The following CNOT4 variants were observed in gnomAD, a reference collection of about 807,000 sequenced individuals.
CNOT4 encodes CCR4-NOT transcription complex subunit 4.
Under a neutral mutation model 73.8 loss-of-function variants are expected in CNOT4, and 8 were observed. The ratio of observed to expected loss-of-function variants is 0.11; its 90% CI spans 0.06 to 0.20. CNOT4 has a LOEUF of 0.20. Among genes scored for constraint, CNOT4 ranks in the 10% least tolerant of loss-of-function variants. The pLI is 1.00. For missense variants in CNOT4, 564 were observed against 883.4 expected, an observed-to-expected ratio of 0.64 and a Z score of 4.58; for synonymous variants, 293 against 321.1, an observed-to-expected ratio of 0.91 and a Z score of 0.94.
rs1413592855 is a variant in CNOT4, at chr7:135,395,683, T to C, written c.1080A>G (p.Thr360=). The change falls in exon 9 of 12, where the codon ACA becomes ACG. Residue 360 remains threonine, a synonymous_variant. Coordinates refer to ENST00000541284, the MANE Select transcript of CNOT4 (RefSeq NM_001190850.2). ...GLPPFPSSPQ[T]SSDWPTAPEP... is the part of the protein sequence containing the mutation. ...CTGGTGCTGTAGGCCAGTCACTGGA[T>C]GTCTGTGGGGAGCTGGGGAAAGGAG... 6.2e-7 allele frequency: 1 copy of C among 1,614,018 alleles called. No individual in the cohort carries two copies. The highest frequency in any genetic ancestry group is 8.5e-7 in the Non-Finnish European group (1 of 1,180,020).
Position 135,363,774 on chromosome 7 carries a change from G to C in CNOT4, c.1840+80C>G. 8.6e-7 allele frequency: 1 copy of C among 1,161,666 alleles called. No individual in the cohort carries two copies. Among genetic ancestry groups the C allele is most frequent in the South Asian group, 1.5e-5 (1 of 67,258 alleles). 72.0% of individuals were successfully genotyped at this position (1,161,666 alleles called of 1,614,324 possible). On this transcript the variant is annotated intron_variant, in intron 11 of 11. Transcript: ENST00000541284. This position sits in a 1 kb window ranked among gnomAD's most constrained non-coding sequence, Gnocchi z 4.3. ...TTTGTGAAAAGCAGCTTATGTTGAA[G>C]AGATCTCGGTTTTTATTTAATCTGT...
intron 7 of CNOT4, among the ~76,000 whole-genome samples, chr7:135,401,084 A>G (rs1388319753): frequency 6.6e-6 from 1 of 152,186 alleles, no homozygotes; most frequent in Non-Finnish European, 1.5e-5. Context: ...ACAAATTCCA[A>G]TAAATGTGAA....
At chr7:135,409,394 GT>G (rs1227371990) in intron 7 of CNOT4, among the ~76,000 whole-genome samples, 1 of 152,006 alleles carries the variant, frequency 6.6e-6, no homozygotes, top group Non-Finnish European at 1.5e-5. Context: ...GTAACTTTAT[GT>G]TTCGCTTTGT....
chr7:135,367,763 AAAGAC>A (rs764979116), intron 10 of CNOT4, among the ~76,000 whole-genome samples: 3 of 152,308 alleles, frequency 2.0e-5, no homozygotes, highest in South Asian at 4.1e-4. Context: ...AAAACATTAC[AAAGAC>A]AAGACATCAG....
intron 1 of CNOT4, among the ~76,000 whole-genome samples, chr7:135,438,998 C>T (rs1315823081): frequency 6.6e-6 from 1 of 151,920 alleles, no homozygotes; most frequent in East Asian, 1.9e-4. Flanking sequence ...CTGAGAAACA[C>T]GTATTAAACA....
chr7:135,431,939 T>C (rs1278316304), intron 2 of CNOT4, among the ~76,000 whole-genome samples: 1 of 152,204 alleles, frequency 6.6e-6, no homozygotes, highest in Admixed American at 6.5e-5. Context: ...CTCAAAATGA[T>C]CTAACTGTAG....
At chr7:135,483,717 G>A (rs1013699968) in intron 1 of CNOT4, among the ~76,000 whole-genome samples, 10 of 151,866 alleles carry the variant, frequency 6.6e-5, no homozygotes, top group Non-Finnish European at 1.2e-4. Context: ...CCAACCACTC[G>A]GGGGGCTGAG....
intron 1 of CNOT4, among the ~76,000 whole-genome samples, chr7:135,496,633 TC>T (rs1803605023): frequency 1.6e-5 from 2 of 121,660 alleles, no homozygotes; most frequent in Non-Finnish European, 3.8e-5. Context: ...TTCCTATTCC[TC>T]TCTCTCTCTC....
rs1799282631 is a variant in CNOT4, at chr7:135,438,389, CAGCACTGAAAGCTAA to C, written c.-73_-59del. The C allele has an allele frequency of 2.8e-6, 4 of 1,425,174 alleles. No individual in the cohort carries two copies. Among genetic ancestry groups the C allele is most frequent in the Non-Finnish European group, 2.8e-6 (3 of 1,060,460 alleles). 88.3% of individuals were successfully genotyped at this position (1,425,174 alleles called of 1,614,324 possible). A position where few individuals can be genotyped will look rare whatever the true frequency, so the allele number is the denominator to read the frequency against. On this transcript the variant is annotated 5_prime_UTR_variant, in exon 2 of 12. Transcript: ENST00000541284. ...TAATAATTTAAGGGAGAAGGAAGTT[CAGCACTGAAAGCTAA>C]AATGTAGGACTTTGACGACCTGCAT...
intron 1 of CNOT4, among the ~76,000 whole-genome samples, chr7:135,450,792 G>A (rs1364497584): frequency 6.6e-6 from 1 of 152,058 alleles, no homozygotes; most frequent in Non-Finnish European, 1.5e-5. Context: ...TATTGGGAGG[G>A]GAGTGATATA....
intron 1 of CNOT4, among the ~76,000 whole-genome samples, chr7:135,443,531 G>T (rs1338486430): frequency 7.9e-5 from 12 of 152,092 alleles, no homozygotes. Context: ...CAGAAGTCAC[G>T]ATTACTGATG....
At position 135,395,790 on chromosome 7, in the gene CNOT4, G is replaced by A. The variant is rs199584772; in HGVS notation, c.973C>T (p.Pro325Ser). Residue 325 changes from proline to serine, a missense_variant, in exon 9 of 12, where the codon CCT becomes TCT. This residue lies in a region of CNOT4 where 135 missense variants were observed against 154.0 expected (regional missense o/e 0.88). Coordinates refer to ENST00000541284, the MANE Select transcript of CNOT4 (RefSeq NM_001190850.2). ...GACTCTGTTACTGCCCCTTCAAAAG[G>A]GGACCGTGCACTGTGATTGGATGAA... ...ISSSNHSARSPFEGAVTESQS... is the reference protein window; with the variant it reads ...ISSSNHSARSSFEGAVTESQS... 1.2e-6 allele frequency: 2 copies of A among 1,614,042 alleles called. No homozygotes were observed. Among genetic ancestry groups the A allele is most frequent in the Non-Finnish European group, 1.7e-6 (2 of 1,179,962 alleles).
intron 1 of CNOT4, among the ~76,000 whole-genome samples, chr7:135,503,061 G>A (rs1804104099): frequency 6.6e-6 from 1 of 152,246 alleles, no homozygotes; most frequent in Admixed American, 6.5e-5. Context: ...ACTGAGGCAG[G>A]AGAACCGCTT....
rs118155090 is a variant in CNOT4, at chr7:135,361,832, G to T, written c.*1053C>A. 1.6e-4 allele frequency: 24 copies of T among 152,748 alleles called. No homozygotes were observed. In the East Asian group the frequency reaches 4.2e-3, roughly 27 times the overall value. 9.5% of individuals were successfully genotyped at this position (152,748 alleles called of 1,614,324 possible). A position where few individuals can be genotyped will look rare whatever the true frequency, so the allele number is the denominator to read the frequency against. Reference sequence around the variant, plus strand: ...GTTTTCTGTTTTATTTAAGATTTTAGTTTTAATTCTGAAGAAAGAGGTACA... The same window carrying T: ...GTTTTCTGTTTTATTTAAGATTTTATTTTTAATTCTGAAGAAAGAGGTACA... On this transcript the variant is annotated 3_prime_UTR_variant, in exon 12 of 12. Coordinates refer to ENST00000541284, the MANE Select transcript of CNOT4 (RefSeq NM_001190850.2).
intron 8 of CNOT4, among the ~76,000 whole-genome samples, chr7:135,396,363 C>T (rs992579458): frequency 6.6e-6 from 1 of 151,978 alleles, no homozygotes; most frequent in South Asian, 2.1e-4. Flanking sequence ...GTGATCCACC[C>T]GCCTCGGCCT....
At chr7:135,395,602 A>C (rs1366233465) in intron 9 of CNOT4, 32 bp downstream of exon 9, 2 of 1,592,128 alleles carry the variant, frequency 1.3e-6, no homozygotes, top group Non-Finnish European at 1.7e-6. Flanking sequence ...TTAAGAGCAT[A>C]ATTACTAATA....
At chr7:135,381,740 T>C (rs1738834684) in intron 10 of CNOT4, among the ~76,000 whole-genome samples, 1 of 152,198 alleles carries the variant, frequency 6.6e-6, no homozygotes. Context: ...ACTGGGTCAC[T>C]GCATCATACA....
chr7:135,493,381 C>T (rs1347029570), intron 1 of CNOT4, among the ~76,000 whole-genome samples: 1 of 152,084 alleles, frequency 6.6e-6, no homozygotes, highest in Non-Finnish European at 1.5e-5. Context: ...TCCTTGATGA[C>T]ATTATCAGAA....
At chr7:135,378,812 C>G (rs910354928) in intron 10 of CNOT4, among the ~76,000 whole-genome samples, 1 of 151,878 alleles carries the variant, frequency 6.6e-6, no homozygotes, top group South Asian at 2.1e-4. Context: ...AAAGCAAAAC[C>G]CTGTCTCTAG....
Sources: gnomAD v4.1 joint callset for allele counts (sites outside exome capture counted in the v4.1 genomes callset) on GRCh38, gnomAD v4.1.1 for gene constraint, gnomAD v4.1.1 regional missense constraint, Gnocchi (gnomAD v3.1) non-coding constraint, MANE v1.5 for transcripts, NCBI Gene and HGNC (gene_info 2026-07-23, HGNC 2026-07-21) for gene names.